Variants in GRM4 observed in about 807,000 individuals in gnomAD.
The protein encoded by GRM4 is metabotropic glutamate receptor 4.
In GRM4, 28 loss-of-function variants were observed where a neutral mutation model predicts 81.7. The ratio of observed to expected loss-of-function variants is 0.34; its 90% CI spans 0.25 to 0.47. The LOEUF (loss-of-function observed/expected upper bound fraction) is 0.47. GRM4 is among the 20% of genes least tolerant of loss of function. The pLI, the probability that GRM4 is intolerant of heterozygous loss-of-function variation, is 1.00. For synonymous variants in GRM4, 488 were observed against 528.8 expected (o/e 0.92, Z 1.06); for missense variants, 948 against 1,290.0 (o/e 0.73, Z 4.06).
At position 34,059,338 on chromosome 6, in the gene GRM4, A is replaced by T; in HGVS notation, c.873-210T>A. ...AGACCCATGGCTACCGCCTCATCCAACCTGCCTGCCCCTGGGCCCACGCCT... is the reference window on the plus strand; with the variant it reads ...AGACCCATGGCTACCGCCTCATCCATCCTGCCTGCCCCTGGGCCCACGCCT... On this transcript the variant is annotated intron_variant, in intron 4 of 10. Transcript: ENST00000538487. This position sits in a 1 kb window ranked among gnomAD's most constrained non-coding sequence, Gnocchi z 5.7. The T allele has an allele frequency of 1.7e-6, 1 of 581,606 alleles. No homozygotes were observed. The highest frequency in any genetic ancestry group is 2.0e-5 in the South Asian group (1 of 49,266). 36.0% of individuals were successfully genotyped at this position (581,606 alleles called of 1,614,324 possible).
At chr6:34,072,329 A>C (rs565818470) in intron 3 of GRM4, among the ~76,000 whole-genome samples, 3,221 of 150,030 alleles carry the variant, frequency 0.021, 67 homozygotes, top group African/African-American at 0.056. Flanking sequence ...CACCACACAC[A>C]CATCACCACA....
Position 34,142,906 on chromosome 6 carries a change from C to T in GRM4, c.-364+3094G>A, listed in dbSNP as rs1231597470. On this transcript the variant is annotated intron_variant, in intron 1 of 10. Transcript: ENST00000538487. ...TCCTGACATGCTCCCGCCTCCCCTC[C>T]GCCTGCTCAGGACCTGTGCTTGGTG... is the stretch of plus-strand genomic sequence containing the variant. Among the ~76,000 whole-genome samples, 6 of 152,332 alleles carry T rather than the reference C, an allele frequency of 3.9e-5. 1 individual carries two copies. The highest frequency in any genetic ancestry group is 6.8e-3 in the Middle Eastern group (2 of 294).
At position 34,095,611 on chromosome 6, in the gene GRM4, G is replaced by A. The variant is rs367703745; in HGVS notation, c.520-3512C>T. 5.8e-4 allele frequency among the ~76,000 whole-genome samples: 89 copies of A among 152,322 alleles called. 1 individual carries two copies. The Middle Eastern group carries it at 0.01, about 17-fold the overall frequency. Reference sequence around the variant, plus strand: ...GGTAAGCACTAAGGGTCAGCTCTTAGGGGAGCTGCCATTCCTCCCGCTAAA... The same window carrying A: ...GGTAAGCACTAAGGGTCAGCTCTTAAGGGAGCTGCCATTCCTCCCGCTAAA... On this transcript the variant is annotated intron_variant, in intron 2 of 10. Coordinates refer to ENST00000538487, the MANE Select transcript of GRM4 (RefSeq NM_000841.4).
intron 2 of GRM4, among the ~76,000 whole-genome samples, chr6:34,122,520 G>A (rs1661105806): frequency 6.6e-6 from 1 of 151,728 alleles, no homozygotes; most frequent in Non-Finnish European, 1.5e-5. Context: ...AGCAGAATTT[G>A]CTTTCCTTTC....
chr6:34,142,160 C>T (rs914433527), intron 1 of GRM4, among the ~76,000 whole-genome samples: 4 of 152,218 alleles, frequency 2.6e-5, no homozygotes, highest in African/African-American at 7.2e-5. Context: ...GGCCCATGCC[C>T]ACCAGTGCAA....
rs1581615551 is a variant in GRM4, at chr6:34,047,821, T to G, written c.1169-7073A>C. Among the ~76,000 whole-genome samples, 1 of 152,184 alleles carries G rather than the reference T, an allele frequency of 6.6e-6. No homozygotes were observed. The highest frequency in any genetic ancestry group is 1.5e-5 in the Non-Finnish European group (1 of 68,032). On this transcript the variant is annotated intron_variant, in intron 6 of 10. Transcript: ENST00000538487. The surrounding 1 kb of genome is among the most constrained non-coding windows in gnomAD (Gnocchi z 4.5). ...AGCTTACCCAGTGGGAGTCGATTCT[T>G]GACTCCCTCTCAAGTGTTCTTTTAC...
rs1437511604 is a variant in GRM4 at position 34,048,500 on chromosome 6, G to A, written c.1169-7752C>T. On this transcript the variant is annotated intron_variant, in intron 6 of 10. Coordinates refer to ENST00000538487, the MANE Select transcript of GRM4 (RefSeq NM_000841.4). This position sits in a 1 kb window ranked among gnomAD's most constrained non-coding sequence, Gnocchi z 4.0. ...TCTGGGGACTGACTCTCAGGCAAAT[G>A]TGGATGAGCCGCCCCTGCTAACAAC... is the stretch of plus-strand genomic sequence containing the variant. Among the ~76,000 whole-genome samples the A allele has an allele frequency of 6.6e-6, 1 of 152,142 alleles. No homozygotes were observed. The highest frequency in any genetic ancestry group is 6.5e-5 in the Admixed American group (1 of 15,276).
chr6:34,155,145 G>T, exon 1 of GRM4: 1 of 1,534,984 alleles, frequency 6.5e-7, no homozygotes, highest in Non-Finnish European at 8.7e-7. Context: ...TTCCCAGCTG[G>T]GCGGCCGCCC....
At chr6:34,145,444 T>C (rs2127519696) in intron 1 of GRM4, among the ~76,000 whole-genome samples, 1 of 152,182 alleles carries the variant, frequency 6.6e-6, no homozygotes, top group Admixed American at 6.5e-5. Flanking sequence ...GAGCTGGGTC[T>C]GGCCGAGAGC....
chr6:34,110,640 A>T (rs1297224024), intron 2 of GRM4: 1 of 1,157,042 alleles, frequency 8.6e-7, no homozygotes, highest in East Asian at 2.6e-5. Context: ...CCCCCTTACC[A>T]TACCCCTTCT....
At chr6:34,140,258 A>G (rs573735789) in intron 1 of GRM4, among the ~76,000 whole-genome samples, 1 of 152,302 alleles carries the variant, frequency 6.6e-6, no homozygotes, top group East Asian at 1.9e-4. Flanking sequence ...TGAGGTGGGC[A>G]CAGGCTTGGC....
chr6:34,024,414 C>A lies in GRM4; in HGVS notation c.2690-1544G>T, dbSNP rs998846966. The A allele has an allele frequency of 1.4e-5, 4 of 276,042 alleles. No homozygotes were observed. The Admixed American group carries it at 1.7e-4, about 11-fold the overall frequency. The allele number at this position is 276,042 out of a possible 1,614,324, so 17.1% of individuals were successfully genotyped here. On this transcript the variant is annotated intron_variant, in intron 10 of 10. Transcript: ENST00000538487. Reference sequence around the variant, plus strand: ...ATGGAAGGATCCTGGGTCCTCACTCCCACCCACCCACCATGTCCTATTACG... The same window carrying A: ...ATGGAAGGATCCTGGGTCCTCACTCACACCCACCCACCATGTCCTATTACG...
rs1044702229 is a variant in GRM4, at chr6:34,070,480, T to C, written c.737-8452A>G. 6.6e-6 allele frequency among the ~76,000 whole-genome samples: 1 copy of C among 152,018 alleles called. No individual in the cohort carries two copies. The highest frequency in any genetic ancestry group is 1.5e-5 in the Non-Finnish European group (1 of 68,016). ...GCCTGAAGACAGGTGACTCAGTTGA[T>C]AGTTTAAACTCCACCCGATAGGGCT... On this transcript the variant is annotated intron_variant, in intron 3 of 10. Transcript: ENST00000538487. This position sits in a 1 kb window ranked among gnomAD's most constrained non-coding sequence, Gnocchi z 4.6.
rs539869930 is a variant in GRM4 at position 34,042,069 on chromosome 6, C to G, written c.1169-1321G>C. Among the ~76,000 whole-genome samples, 56 of 152,228 alleles carry G rather than the reference C, an allele frequency of 3.7e-4. No homozygotes were observed. The South Asian group carries it at 1.0e-2, about 27-fold the overall frequency. ...GAGTTCAAGACCAGCCCAGCCAACA[C>G]GCTGAAACCCCATCTCTACTCAAAA... On this transcript the variant is annotated intron_variant, in intron 6 of 10. Transcript: ENST00000538487. This position sits in a 1 kb window ranked among gnomAD's most constrained non-coding sequence, Gnocchi z 4.2.
At chr6:34,128,112 G>C (rs945759521) in intron 2 of GRM4, among the ~76,000 whole-genome samples, 5 of 152,214 alleles carry the variant, frequency 3.3e-5, no homozygotes, top group Non-Finnish European at 7.3e-5. Flanking sequence ...TCAAAGTTAA[G>C]TTGTCTGCTC....
intron 4 of GRM4, chr6:34,060,250 C>T (rs968008069): frequency 6.6e-6 from 1 of 152,264 alleles, no homozygotes; most frequent in Non-Finnish European, 1.5e-5. Flanking sequence ...CCCCCCCGCA[C>T]CCTAGGTCAC....
intron 3 of GRM4, among the ~76,000 whole-genome samples, chr6:34,084,181 C>G (rs1767758661): frequency 6.6e-6 from 1 of 152,198 alleles, no homozygotes; most frequent in South Asian, 2.1e-4. Flanking sequence ...ACCTCAGAGG[C>G]GGGCTGCTGT....
At chr6:34,027,547 G>C (rs373592891) in intron 10 of GRM4, among the ~76,000 whole-genome samples, 1 of 152,196 alleles carries the variant, frequency 6.6e-6, no homozygotes. Flanking sequence ...GGTCCTGGCC[G>C]GCCCATGTCC....
chr6:34,128,667 C>T (rs958528841), intron 2 of GRM4, among the ~76,000 whole-genome samples: 1 of 152,070 alleles, frequency 6.6e-6, no homozygotes, highest in South Asian at 2.1e-4. Flanking sequence ...CGTGAGCCAC[C>T]ACACCTAGCT....
Sources: allele counts gnomAD v4.1 joint callset (sites outside exome capture counted in the v4.1 genomes callset), GRCh38; gene constraint gnomAD v4.1.1; non-coding constraint Gnocchi (gnomAD v3.1); transcripts MANE v1.5; gene names NCBI Gene and HGNC (gene_info 2026-07-23, HGNC 2026-07-21).